The following NDNF variants were observed in gnomAD, a reference collection of about 807,000 sequenced individuals.
NDNF encodes protein NDNF.
NDNF carries 16 observed loss-of-function variants against 42.0 expected under a neutral mutation model. That is an observed-to-expected ratio of 0.38 (90% CI 0.26 to 0.58). The LOEUF is 0.58. Ranked by LOEUF, NDNF falls within the 20% of genes least tolerant of loss-of-function variation. The pLI, the probability that NDNF is intolerant of heterozygous loss-of-function variation, is 0.67. For synonymous variants in NDNF, 248 were observed against 251.7 expected (o/e 0.99, Z 0.14); for missense variants, 616 against 666.2 (o/e 0.92, Z 0.83).
intron 1 of NDNF, among the ~76,000 whole-genome samples, chr4:121,067,696 G>C (rs867689386): frequency 6.6e-6 from 1 of 152,058 alleles, no homozygotes; most frequent in African/African-American, 2.4e-5. Context: ...TTGCTAGTTT[G>C]CTTTTATACC....
intron 2 of NDNF, among the ~76,000 whole-genome samples, chr4:121,040,773 G>T (rs1305430331): frequency 1.3e-5 from 2 of 152,136 alleles, no homozygotes; most frequent in Non-Finnish European, 2.9e-5. Flanking sequence ...TTCCTGAGTA[G>T]CTGGGACTGC....
chr4:121,070,677 C>CA (rs1317309888), intron 1 of NDNF, among the ~76,000 whole-genome samples: 3 of 152,128 alleles, frequency 2.0e-5, no homozygotes, highest in Non-Finnish European at 4.4e-5. Flanking sequence ...AGATGAGAAG[C>CA]AAATTTATCA....
At chr4:121,045,919 C>CCTG in intron 1 of NDNF, 81 bp from the exon 2 acceptor site, 1 of 1,313,750 alleles carries the variant, frequency 7.6e-7, no homozygotes. Flanking sequence ...AGGGTTAACA[C>CCTG]TATTTTAGCT....
At chr4:121,069,287 C>T (rs1228059497) in intron 1 of NDNF, among the ~76,000 whole-genome samples, 1 of 152,170 alleles carries the variant, frequency 6.6e-6, no homozygotes, top group Non-Finnish European at 1.5e-5. Flanking sequence ...TCATACTTCA[C>T]CATATGAATG....
chr4:121,067,129 C>T (rs1487442494), intron 1 of NDNF, among the ~76,000 whole-genome samples: 2 of 152,170 alleles, frequency 1.3e-5, no homozygotes, highest in Non-Finnish European at 1.5e-5. Context: ...TTCCCAATCA[C>T]GCGTAATCAT....
chr4:121,053,285 G>A (rs903565763), intron 1 of NDNF, among the ~76,000 whole-genome samples: 1 of 152,178 alleles, frequency 6.6e-6, no homozygotes, highest in Admixed American at 6.5e-5. Flanking sequence ...AACATGCCAA[G>A]GATTCGAATA....
intron 1 of NDNF, among the ~76,000 whole-genome samples, chr4:121,054,758 A>G (rs1353701520): frequency 6.6e-6 from 1 of 152,242 alleles, no homozygotes; most frequent in East Asian, 1.9e-4. Flanking sequence ...TGGAAGACCA[A>G]GTGCCAATCA....
At chr4:121,071,212 A>G (rs1021965471) in intron 1 of NDNF, among the ~76,000 whole-genome samples, 9 of 152,102 alleles carry the variant, frequency 5.9e-5, no homozygotes, top group Non-Finnish European at 1.3e-4. Context: ...GAGGGCACGA[A>G]GCCGAGTCTC....
intron 1 of NDNF, among the ~76,000 whole-genome samples, chr4:121,067,418 G>A (rs1166988261): frequency 1.3e-5 from 2 of 152,036 alleles, no homozygotes; most frequent in Non-Finnish European, 2.9e-5. Flanking sequence ...AAATTAACAA[G>A]CGAAAACCAA....
chr4:121,067,425 C>T (rs1309409437), intron 1 of NDNF, among the ~76,000 whole-genome samples: 2 of 151,938 alleles, frequency 1.3e-5, no homozygotes, highest in Non-Finnish European at 2.9e-5. Flanking sequence ...CAAGCGAAAA[C>T]CAAGACCTAT....
chr4:121,057,582 A>G (rs1727318668), intron 1 of NDNF, among the ~76,000 whole-genome samples: 1 of 152,198 alleles, frequency 6.6e-6, no homozygotes, highest in South Asian at 2.1e-4. Flanking sequence ...GTCCATTATC[A>G]GATGAAACGG....
chr4:121,045,111 G>A (rs1477843715), intron 2 of NDNF, among the ~76,000 whole-genome samples: 1 of 152,204 alleles, frequency 6.6e-6, no homozygotes, highest in Non-Finnish European at 1.5e-5. Flanking sequence ...CCAGCATTTT[G>A]GGCGGCCAAA....
intron 1 of NDNF, among the ~76,000 whole-genome samples, chr4:121,063,076 T>C (rs1486807691): frequency 1.3e-5 from 2 of 152,192 alleles, no homozygotes; most frequent in Middle Eastern, 3.2e-3. Context: ...TTTCATCCAA[T>C]TTTTAAAAAC....
In NDNF at chr4:121,047,183, T is replaced by C. The variant is rs542758748; in HGVS notation, c.-1-1345A>G. ...AAAATAGATTCAGATTGCAAAAATA[T>C]ATAGTTTGAAAGAAATAACATTCTC... is the stretch of plus-strand genomic sequence containing the variant. On this transcript the variant is annotated intron_variant, in intron 1 of 3. Coordinates refer to ENST00000379692, the MANE Select transcript of NDNF (RefSeq NM_024574.4). Among the ~76,000 whole-genome samples the C allele has an allele frequency of 3.9e-5, 6 of 152,358 alleles. No homozygotes were observed. In the East Asian group the frequency reaches 1.2e-3, roughly 29 times the overall value.
chr4:121,046,167 C>T (rs113152648), intron 1 of NDNF, among the ~76,000 whole-genome samples: 1 of 152,152 alleles, frequency 6.6e-6, no homozygotes, highest in African/African-American at 2.4e-5. Flanking sequence ...TTGTAGATAA[C>T]GCTATATCAA....
Position 121,045,633 on chromosome 4 carries a change from T to A in NDNF, c.188+17A>T, listed in dbSNP as rs886916794. 2 of 1,602,948 alleles carry A rather than the reference T, an allele frequency of 1.2e-6. No individual in the cohort carries two copies. The highest frequency in any genetic ancestry group is 2.7e-5 in the African/African-American group (2 of 74,534). ...TTTGTGAGCTTTTTAATAAAGAAAA[T>A]ACTGCAGGGAGAATACCTCTTAGGT... On this transcript the variant is annotated intron_variant, in intron 2 of 3. Coordinates refer to ENST00000379692, the MANE Select transcript of NDNF (RefSeq NM_024574.4).
chr4:121,047,018 G>A (rs1459812401), intron 1 of NDNF, among the ~76,000 whole-genome samples: 1 of 152,076 alleles, frequency 6.6e-6, no homozygotes, highest in Non-Finnish European at 1.5e-5. Context: ...TTTTTACATT[G>A]AGGTACTTTA....
At chr4:121,039,560 T>G (rs1232061807) in intron 3 of NDNF, among the ~76,000 whole-genome samples, 1 of 152,064 alleles carries the variant, frequency 6.6e-6, no homozygotes, top group African/African-American at 2.4e-5. Flanking sequence ...TCCCAAAGTT[T>G]GGACCTCACC....
At chr4:121,037,900 A>C (rs1210365877) in intron 3 of NDNF, 5 of 380,434 alleles carry the variant, frequency 1.3e-5, no homozygotes, top group Non-Finnish European at 2.3e-5. Context: ...ATTAGTAAAA[A>C]TTTTAGGTCA....
Sources: gnomAD v4.1 joint callset for allele counts (sites outside exome capture counted in the v4.1 genomes callset) on GRCh38, gnomAD v4.1.1 for gene constraint, MANE v1.5 for transcripts, NCBI Gene and HGNC (gene_info 2026-07-23, HGNC 2026-07-21) for gene names.